Variants in TTC7A observed in about 807,000 individuals in gnomAD.
TTC7A encodes the protein tetratricopeptide repeat protein 7A.
TTC7A carries 110 observed loss-of-function variants against 103.7 expected under a neutral mutation model. The ratio of observed to expected loss-of-function variants is 1.06; its 90% confidence interval spans 0.91 to 1.24. TTC7A has a LOEUF of 1.24. TTC7A is among the 50% of genes most tolerant of loss of function. The probability of loss-of-function intolerance (pLI) is 0.00; values close to 1 mark genes in which losing one functional copy is unlikely to be tolerated. For missense variants in TTC7A, 1,340 were observed against 1,116.3 expected, an observed-to-expected ratio of 1.20 and a Z score of -2.86; for synonymous variants, 521 against 467.9, an observed-to-expected ratio of 1.11 and a Z score of -1.47.
intron 3 of TTC7A, among the ~76,000 whole-genome samples, chr2:46,967,780 A>G (rs114254131): frequency 0.02 from 3,068 of 152,118 alleles, 112 homozygotes; most frequent in African/African-American, 0.069. Context: ...TATACCTGGA[A>G]GTGGAATTGC....
At chr2:47,024,065 G>T (rs2104561574) in intron 13 of TTC7A, among the ~76,000 whole-genome samples, 1 of 152,224 alleles carries the variant, frequency 6.6e-6, no homozygotes, top group South Asian at 2.1e-4. Context: ...CTCAGTGAGT[G>T]CCAGCCCCCT....
rs1001543464 is a variant in TTC7A, at chr2:47,074,236, C to T, written c.*313C>T. ...AGCTGTCCTTCACCCTCACCCATGC[C>T]TCTGGCTTGGAGTCTGGGTGGGGGG... On this transcript the variant is annotated 3_prime_UTR_variant, in exon 20 of 20. Transcript: ENST00000319190. 7 of 422,520 alleles carry T rather than the reference C, an allele frequency of 1.7e-5. No homozygotes were observed. Among genetic ancestry groups the T allele is most frequent in the African/African-American group, 1.0e-4 (5 of 49,688 alleles). 26.2% of individuals were successfully genotyped at this position (422,520 alleles called of 1,614,324 possible).
At chr2:46,988,466 CAGTT>C (rs1451980207) in intron 5 of TTC7A, among the ~76,000 whole-genome samples, 2 of 152,260 alleles carry the variant, frequency 1.3e-5, no homozygotes, top group Admixed American at 1.3e-4. Flanking sequence ...CTTTCATACA[CAGTT>C]AGCAGTACTG....
intron 15 of TTC7A, among the ~76,000 whole-genome samples, chr2:47,044,565 C>T (rs752169717): frequency 6.6e-6 from 1 of 152,132 alleles, no homozygotes; most frequent in Non-Finnish European, 1.5e-5. Context: ...GATAGGCAAG[C>T]CAGGTGGTCG....
At chr2:46,952,943 A>G (rs1671539811) in intron 2 of TTC7A, among the ~76,000 whole-genome samples, 1 of 152,222 alleles carries the variant, frequency 6.6e-6, no homozygotes, top group Non-Finnish European at 1.5e-5. Context: ...AGTTTTATTT[A>G]GAGCTTTCTC....
intron 2 of TTC7A, among the ~76,000 whole-genome samples, chr2:46,923,920 G>A (rs1558474466): frequency 6.6e-6 from 1 of 152,116 alleles, no homozygotes; most frequent in Non-Finnish European, 1.5e-5. Flanking sequence ...ATTTTTAGCA[G>A]AGACGGAGTT....
chr2:47,057,750 C>T (rs1573056393), intron 18 of TTC7A, among the ~76,000 whole-genome samples: 1 of 152,222 alleles, frequency 6.6e-6, no homozygotes, highest in Non-Finnish European at 1.5e-5. Flanking sequence ...GCCCATCTTC[C>T]TTGTCCTCTT....
chr2:47,005,787 G>T, intron 8 of TTC7A, 135 bp from the exon 9 acceptor site: 1 of 913,954 alleles, frequency 1.1e-6, no homozygotes, highest in East Asian at 2.6e-5. Flanking sequence ...ATTTCTGGGA[G>T]TGTGGCCATC....
At chr2:46,990,544 T>C (rs1675521630) in intron 5 of TTC7A, among the ~76,000 whole-genome samples, 5 of 152,160 alleles carry the variant, frequency 3.3e-5, no homozygotes, top group Admixed American at 3.3e-4. Context: ...AGTCAGAACA[T>C]AAGTCATATG....
Position 46,978,986 on chromosome 2 carries a change from C to T in TTC7A, c.764+79C>T, listed in dbSNP as rs1674156546. On this transcript the variant is annotated intron_variant, in intron 5 of 19. Transcript: ENST00000319190. ...TTTGACGTGGCCTTAAGGCTGCTCTCCCTCTTCTCTGGCCTGTGCATACGT... is the reference window on the plus strand; with the variant it reads ...TTTGACGTGGCCTTAAGGCTGCTCTTCCTCTTCTCTGGCCTGTGCATACGT... 5.1e-6 allele frequency: 5 copies of T among 976,002 alleles called. No homozygotes were observed. The South Asian group carries it at 6.9e-5, about 13-fold the overall frequency. The allele number at this position is 976,002 out of a possible 1,614,324, so 60.5% of individuals were successfully genotyped here.
At chr2:46,963,921 AG>A (rs1672605783) in intron 3 of TTC7A, among the ~76,000 whole-genome samples, 1 of 152,140 alleles carries the variant, frequency 6.6e-6, no homozygotes, top group Non-Finnish European at 1.5e-5. Context: ...GGCTGGTGTC[AG>A]GGGTGGGATT....
chr2:47,053,732 C>T (rs369797994), intron 18 of TTC7A, among the ~76,000 whole-genome samples: 7 of 152,204 alleles, frequency 4.6e-5, no homozygotes, highest in South Asian at 4.2e-4. Context: ...CCACCGTGCC[C>T]GGCTAATTTT....
At chr2:47,045,085 T>C (rs896449347) in intron 15 of TTC7A, among the ~76,000 whole-genome samples, 1 of 152,166 alleles carries the variant, frequency 6.6e-6, no homozygotes, top group Non-Finnish European at 1.5e-5. Context: ...GACAGTACCG[T>C]GGTCTTGCTC....
chr2:47,004,637 C>G (rs1337317491), intron 8 of TTC7A, among the ~76,000 whole-genome samples: 8 of 152,026 alleles, frequency 5.3e-5, no homozygotes, highest in African/African-American at 1.9e-4. Context: ...GAGGGAGATG[C>G]AGGAGAGAGC....
intron 9 of TTC7A, 63 bp downstream of exon 9, chr2:47,006,122 A>T (rs369915216): frequency 2.5e-6 from 4 of 1,584,130 alleles, no homozygotes; most frequent in Middle Eastern, 1.7e-4. Context: ...AGGAAATCAG[A>T]CAGAGCCATT....
At chr2:47,068,862 CAAAAAAA>C (rs201835431) in intron 19 of TTC7A, among the ~76,000 whole-genome samples, 20 of 69,762 alleles carry the variant, frequency 2.9e-4, no homozygotes, top group East Asian at 7.0e-4. Context: ...TCAATTTTTT[CAAAAAAA>C]AAAAAAAAAA....
chr2:46,957,518 G>T (rs938754206), intron 3 of TTC7A, among the ~76,000 whole-genome samples: 1 of 152,224 alleles, frequency 6.6e-6, no homozygotes, highest in Non-Finnish European at 1.5e-5. Context: ...GGCCCAGGGA[G>T]CAGGGGCTGA....
At chr2:46,930,406 G>A (rs191665153) in intron 2 of TTC7A, among the ~76,000 whole-genome samples, 38 of 137,902 alleles carry the variant, frequency 2.8e-4, no homozygotes, top group African/African-American at 1.0e-3. Context: ...TGCCTAAAAT[G>A]TAAAAAGCTA....
At position 46,982,453 on chromosome 2, in the gene TTC7A, G is replaced by C. The variant is rs74405291; in HGVS notation, c.764+3546G>C. Among the ~76,000 whole-genome samples, 18 of 152,236 alleles carry C rather than the reference G, an allele frequency of 1.2e-4. No homozygotes were observed. In the East Asian group the frequency reaches 1.9e-3, roughly 16 times the overall value. On this transcript the variant is annotated intron_variant, in intron 5 of 19. Coordinates refer to ENST00000319190, the MANE Select transcript of TTC7A (RefSeq NM_020458.4). ...TCCCTTTCTCTCCTCATGCCTGGCA[G>C]ACAGGAGAGTGAGAACCACAGCTGT...
Sources: allele counts gnomAD v4.1 joint callset (sites outside exome capture counted in the v4.1 genomes callset), GRCh38; gene constraint gnomAD v4.1.1; transcripts MANE v1.5; gene names NCBI Gene and HGNC (gene_info 2026-07-23, HGNC 2026-07-21).